REV1: variants seen among roughly 807,000 people sequenced by gnomAD.
REV1 encodes the protein REV1 DNA directed polymerase.
A neutral mutation model predicts 137.4 loss-of-function variants in REV1; 42 were observed. The observed-to-expected ratio is 0.31, with a 90% CI of 0.24 to 0.40. The LOEUF (loss-of-function observed/expected upper bound fraction) is 0.40, where lower values mean the gene tolerates loss of function less well. Ranked by LOEUF, REV1 falls within the 10% of genes least tolerant of loss-of-function variation. REV1 has a pLI of 1.00. For synonymous variants in REV1, 524 were observed against 519.2 expected (o/e 1.01, Z -0.12); for missense variants, 1,282 against 1,490.1 (o/e 0.86, Z 2.30).
chr2:99,460,171 G>A (rs529838400), intron 3 of REV1, among the ~76,000 whole-genome samples: 8 of 152,280 alleles, frequency 5.3e-5, no homozygotes, highest in African/African-American at 1.7e-4. Flanking sequence ...CCGCCTCCCG[G>A]GTTCAAGTGA....
At chr2:99,451,037 A>T (rs1167619300) in intron 3 of REV1, among the ~76,000 whole-genome samples, 1 of 152,220 alleles carries the variant, frequency 6.6e-6, no homozygotes, top group African/African-American at 2.4e-5. Flanking sequence ...GTGAAACAGT[A>T]GAAATTAAAC....
At chr2:99,418,738 G>A in intron 12 of REV1, 90 bp downstream of exon 12, 1 of 1,226,162 alleles carries the variant, frequency 8.2e-7, no homozygotes, top group Non-Finnish European at 1.1e-6. Context: ...TCATGTCTGG[G>A]CAAAAAGAGG....
In REV1 at chr2:99,402,350, G is replaced by A. The variant is rs1170417677; in HGVS notation, c.3542-4C>T. 1.3e-5 allele frequency: 19 copies of A among 1,415,026 alleles called. No homozygotes were observed. Among genetic ancestry groups the A allele is most frequent in the Non-Finnish European group, 1.9e-5 (19 of 1,014,214 alleles). The allele number at this position is 1,415,026 out of a possible 1,614,324, so 87.7% of individuals were successfully genotyped here. On this transcript the variant is annotated splice_polypyrimidine_tract_variant and splice_region_variant and intron_variant, in intron 21 of 22. Coordinates refer to ENST00000258428, the MANE Select transcript of REV1 (RefSeq NM_016316.4). ...AGAATGTCTTCTTCCATTGGATCTA[G>A]GAAGGGGGAAAAACTTCAAATGAGG...
chr2:99,452,445 A>T (rs1683041598), intron 3 of REV1, among the ~76,000 whole-genome samples: 1 of 151,734 alleles, frequency 6.6e-6, no homozygotes, highest in South Asian at 2.1e-4. Context: ...AAGGAAAAGA[A>T]AAAAAAAGGG....
chr2:99,442,051 A>G (rs1295199114), intron 5 of REV1, among the ~76,000 whole-genome samples: 1 of 151,916 alleles, frequency 6.6e-6, no homozygotes, highest in African/African-American at 2.4e-5. Flanking sequence ...CAGGAGTTCG[A>G]GACCAGCCTG....
At chr2:99,441,744 CTTA>C (rs1410291520) in intron 5 of REV1, among the ~76,000 whole-genome samples, 1 of 152,090 alleles carries the variant, frequency 6.6e-6, no homozygotes, top group Non-Finnish European at 1.5e-5. Context: ...CATGAAAAAA[CTTA>C]TTAACAATTA....
chr2:99,409,840 C>T (rs1319668827), intron 14 of REV1, among the ~76,000 whole-genome samples: 3 of 121,846 alleles, frequency 2.5e-5, no homozygotes, highest in Non-Finnish European at 5.0e-5. Context: ...CAGACTCTGT[C>T]TCAAAACAAA....
At chr2:99,484,156 C>A (rs1472644824) in intron 1 of REV1, among the ~76,000 whole-genome samples, 1 of 152,156 alleles carries the variant, frequency 6.6e-6, no homozygotes. Flanking sequence ...TTCTCACTTG[C>A]AAGTGGCAGC....
At chr2:99,449,844 GTGT>G (rs1682713900) in intron 3 of REV1, among the ~76,000 whole-genome samples, 1 of 152,004 alleles carries the variant, frequency 6.6e-6, no homozygotes, top group Admixed American at 6.5e-5. Flanking sequence ...CCTTGATATT[GTGT>G]TTTTAAAAAT....
intron 9 of REV1, chr2:99,424,737 A>G (rs577105743): frequency 1.4e-5 from 18 of 1,297,618 alleles, no homozygotes; most frequent in East Asian, 1.1e-4. Flanking sequence ...AAACAGTGCT[A>G]TGTGACAAAC....
At chr2:99,447,218 G>A (rs530976428) in intron 4 of REV1, among the ~76,000 whole-genome samples, 127 of 151,532 alleles carry the variant, frequency 8.4e-4, no homozygotes, top group Middle Eastern at 3.4e-3. Context: ...GTGCAGTGGC[G>A]TGATCTCAGC....
chr2:99,406,392 T>TG lies in REV1; in HGVS notation c.2546dup (p.Tyr850IlefsTer5). 6.2e-7 allele frequency: 1 copy of TG among 1,613,946 alleles called. No homozygotes were observed. Among genetic ancestry groups the TG allele is most frequent in the South Asian group, 1.1e-5 (1 of 91,068 alleles). On this transcript the variant is annotated frameshift_variant, in exon 16 of 23. Coordinates refer to ENST00000258428, the MANE Select transcript of REV1 (RefSeq NM_016316.4). LOFTEE classifies it high-confidence loss of function. ...CTTGGAAGACATCACGGACAGAGTATGACCCACTAGGAAAGTGGCTTGACT... is the reference window on the plus strand; with the variant it reads ...CTTGGAAGACATCACGGACAGAGTATGGACCCACTAGGAAAGTGGCTTGACT...
chr2:99,469,990 G>A (rs867125534), intron 1 of REV1, among the ~76,000 whole-genome samples: 7 of 152,044 alleles, frequency 4.6e-5, no homozygotes, highest in South Asian at 2.1e-4. Flanking sequence ...GCATGGTGGC[G>A]GTCACCTGTA....
intron 3 of REV1, among the ~76,000 whole-genome samples, chr2:99,459,004 C>T (rs990765884): frequency 6.6e-6 from 1 of 151,994 alleles, no homozygotes; most frequent in African/African-American, 2.4e-5. Flanking sequence ...GTCAGGAGAT[C>T]AAGACCATAC....
chr2:99,432,663 C>T (rs554517286), intron 8 of REV1, among the ~76,000 whole-genome samples: 1 of 152,026 alleles, frequency 6.6e-6, no homozygotes. Context: ...TTTCTAGTGA[C>T]GGGACAATCT....
intron 3 of REV1, among the ~76,000 whole-genome samples, chr2:99,461,035 C>T (rs919460212): frequency 6.6e-6 from 1 of 151,890 alleles, no homozygotes; most frequent in East Asian, 1.9e-4. Flanking sequence ...TTTTCATTAA[C>T]GTTTTAATTT....
At chr2:99,481,262 A>AT (rs1263248258) in intron 1 of REV1, among the ~76,000 whole-genome samples, 1 of 152,224 alleles carries the variant, frequency 6.6e-6, no homozygotes, top group African/African-American at 2.4e-5. Context: ...CAAAATTCAG[A>AT]TTTTTTACAG....
intron 13 of REV1, 113 bp downstream of exon 13, chr2:99,412,600 AAGGCTCTGGGGATACAAC>A: frequency 2.8e-6 from 2 of 712,784 alleles, no homozygotes; most frequent in Non-Finnish European, 4.8e-6. Flanking sequence ...AGGCCTTCTT[AAGGCTCTGGGGATACAAC>A]AGTTTTAAGA....
At position 99,403,677 on chromosome 2, in the gene REV1, GC is replaced by G. The variant is rs770375648; in HGVS notation, c.3166+17del. 1.5e-4 allele frequency: 249 copies of G among 1,613,834 alleles called. No homozygotes were observed. Among genetic ancestry groups the G allele is most frequent in the Non-Finnish European group, 2.9e-5 (34 of 1,179,998 alleles). On this transcript the variant is annotated intron_variant, in intron 19 of 22. Transcript: ENST00000258428. ...CTCTTTGTCTTCATTTTTGTTACATGCCACTTCCAAGGCTCACCAGATGCGC... is the reference window on the plus strand; with the variant it reads ...CTCTTTGTCTTCATTTTTGTTACATGCACTTCCAAGGCTCACCAGATGCGC...
Sources: allele counts gnomAD v4.1 joint callset (sites outside exome capture counted in the v4.1 genomes callset), GRCh38; gene constraint gnomAD v4.1.1; transcripts MANE v1.5; gene names NCBI Gene and HGNC (gene_info 2026-07-23, HGNC 2026-07-21).